NDUFAF2: variants seen among roughly 807,000 people sequenced by gnomAD.
NDUFAF2 encodes the protein NADH dehydrogenase [ubiquinone] 1 alpha subcomplex assembly factor 2.
In NDUFAF2, 13 loss-of-function variants were observed where a neutral mutation model predicts 22.8. The ratio of observed to expected loss-of-function variants is 0.57; its 90% CI spans 0.37 to 0.91. The LOEUF (loss-of-function observed/expected upper bound fraction) is 0.91. Among genes scored for constraint, NDUFAF2 ranks in the 40% least tolerant of loss-of-function variants. The pLI is 0.01. For synonymous variants in NDUFAF2, 53 were observed against 64.2 expected, an observed-to-expected ratio of 0.83 and a Z score of 0.84; for missense variants, 162 against 195.2, an observed-to-expected ratio of 0.83 and a Z score of 1.01.
At position 61,035,424 on chromosome 5, in the gene NDUFAF2, G is replaced by GTTTTTTTTTT. The variant is rs768889484; in HGVS notation, c.128-37682_128-37673dup. Among the ~76,000 whole-genome samples the GTTTTTTTTTT allele has an allele frequency of 1.8e-3, 74 of 40,524 alleles. 13 individuals carry two copies. Among genetic ancestry groups the GTTTTTTTTTT allele is most frequent in the African/African-American group, 6.3e-3 (63 of 9,990 alleles). 26.6% of individuals were successfully genotyped at this position (40,524 alleles called of 152,430 possible). A position where few individuals can be genotyped will look rare whatever the true frequency, so the allele number is the denominator to read the frequency against. ...GACAACTCTCTTTCTCTCTTGCTCT[G>GTTTTTTTTTT]TTTTTTTTTTTTTTTTTTTTTTTTT... On this transcript the variant is annotated intron_variant, in intron 1 of 3. Coordinates refer to ENST00000296597, the MANE Select transcript of NDUFAF2 (RefSeq NM_174889.5).
chr5:60,962,404 G>A (rs1750700622), intron 1 of NDUFAF2, among the ~76,000 whole-genome samples: 1 of 151,958 alleles, frequency 6.6e-6, no homozygotes, highest in South Asian at 2.1e-4. Context: ...ATTCTTATTG[G>A]TCTAACTACC....
At chr5:60,973,722 A>C (rs1487296644) in intron 1 of NDUFAF2, among the ~76,000 whole-genome samples, 1 of 152,222 alleles carries the variant, frequency 6.6e-6, no homozygotes, top group Non-Finnish European at 1.5e-5. Context: ...GTTAAATCAC[A>C]TGCATTCTTA....
At chr5:61,026,254 G>C (rs1361103051) in intron 1 of NDUFAF2, among the ~76,000 whole-genome samples, 2 of 151,884 alleles carry the variant, frequency 1.3e-5, no homozygotes, top group Non-Finnish European at 2.9e-5. Context: ...AGGGGAGGAG[G>C]GGGGAGAAAT....
intron 1 of NDUFAF2, among the ~76,000 whole-genome samples, chr5:60,961,495 T>C (rs1025730343): frequency 6.0e-5 from 9 of 149,622 alleles, no homozygotes; most frequent in African/African-American, 1.7e-4. Flanking sequence ...CTCCGGAGGC[T>C]GAGGCAGGAG....
At chr5:60,992,985 G>A (rs976526820) in intron 1 of NDUFAF2, among the ~76,000 whole-genome samples, 8 of 152,168 alleles carry the variant, frequency 5.3e-5, no homozygotes, top group African/African-American at 1.9e-4. Context: ...GGGACTGTTG[G>A]TCTCGTTCCA....
chr5:61,094,234 C>T lies in NDUFAF2; in HGVS notation c.218-4758C>T, dbSNP rs193188961. Reference sequence around the variant, plus strand: ...TCTGCCTGTCTTATTTCAGAAAGACCGTTTTCAAACTCTGAGATCCTTTCC... The same window carrying T: ...TCTGCCTGTCTTATTTCAGAAAGACTGTTTTCAAACTCTGAGATCCTTTCC... On this transcript the variant is annotated intron_variant, in intron 2 of 3. Coordinates refer to ENST00000296597, the MANE Select transcript of NDUFAF2 (RefSeq NM_174889.5). Among the ~76,000 whole-genome samples, 157 of 152,146 alleles carry T rather than the reference C, an allele frequency of 1.0e-3. 2 individuals are homozygous for T. Among genetic ancestry groups the T allele is most frequent in the Admixed American group, 9.7e-3 (148 of 15,284 alleles).
At chr5:61,001,942 A>C (rs990591297) in intron 1 of NDUFAF2, among the ~76,000 whole-genome samples, 1 of 152,144 alleles carries the variant, frequency 6.6e-6, no homozygotes, top group African/African-American at 2.4e-5. Context: ...TTTCCTTAGC[A>C]GCTGGACTAA....
intron 1 of NDUFAF2, among the ~76,000 whole-genome samples, chr5:61,042,319 C>G (rs1751893822): frequency 6.6e-6 from 1 of 151,690 alleles, no homozygotes. Flanking sequence ...AAGATATGTT[C>G]TATGTATTAA....
intron 3 of NDUFAF2, among the ~76,000 whole-genome samples, chr5:61,118,833 C>G (rs1579840240): frequency 1.3e-5 from 2 of 152,150 alleles, no homozygotes; most frequent in African/African-American, 4.8e-5. Context: ...AGTATGAAAA[C>G]ATTCATGAAA....
chr5:60,983,785 G>T (rs1373123065), intron 1 of NDUFAF2, among the ~76,000 whole-genome samples: 2 of 151,696 alleles, frequency 1.3e-5, no homozygotes, highest in African/African-American at 4.8e-5. Flanking sequence ...CCAGTACCAT[G>T]CTGTTTTGGT....
At chr5:61,068,679 T>G (rs904105031) in intron 1 of NDUFAF2, among the ~76,000 whole-genome samples, 10 of 152,152 alleles carry the variant, frequency 6.6e-5, no homozygotes, top group African/African-American at 2.4e-4. Flanking sequence ...AATCTATTAT[T>G]AGGATTAAGT....
intron 1 of NDUFAF2, among the ~76,000 whole-genome samples, chr5:61,053,776 G>A (rs143470513): frequency 9.4e-4 from 143 of 152,182 alleles, no homozygotes; most frequent in African/African-American, 3.3e-3. Context: ...AATATGGTTA[G>A]GTTTTTAAAA....
chr5:61,074,191 C>A (rs1402041602), intron 2 of NDUFAF2, among the ~76,000 whole-genome samples: 2 of 152,206 alleles, frequency 1.3e-5, no homozygotes, highest in East Asian at 1.9e-4. Context: ...GTGACTCACG[C>A]CTGTAATCCC....
chr5:61,082,821 G>T (rs1168170423), intron 2 of NDUFAF2, among the ~76,000 whole-genome samples: 1 of 152,118 alleles, frequency 6.6e-6, no homozygotes, highest in Non-Finnish European at 1.5e-5. Context: ...GAATAGTGCT[G>T]CAATAACCGT....
intron 2 of NDUFAF2, among the ~76,000 whole-genome samples, chr5:61,088,000 A>G (rs984520399): frequency 3.3e-5 from 5 of 152,130 alleles, no homozygotes; most frequent in Admixed American, 2.0e-4. Context: ...CTAAGCTGTA[A>G]TCAACCCAAG....
chr5:60,974,191 G>A (rs1364036489), intron 1 of NDUFAF2, among the ~76,000 whole-genome samples: 3 of 152,198 alleles, frequency 2.0e-5, no homozygotes, highest in Admixed American at 6.5e-5. Context: ...GCAGAAGAAA[G>A]TGGAATGAGC....
chr5:61,061,095 C>T (rs1752159667), intron 1 of NDUFAF2, among the ~76,000 whole-genome samples: 1 of 152,048 alleles, frequency 6.6e-6, no homozygotes, highest in Non-Finnish European at 1.5e-5. Context: ...CCTAGGAAGG[C>T]AGTATTTGTA....
chr5:61,024,935 T>C (rs114322035), intron 1 of NDUFAF2, among the ~76,000 whole-genome samples: 2,228 of 152,138 alleles, frequency 0.015, 58 homozygotes, highest in African/African-American at 0.051. Context: ...ATGTGTTTAA[T>C]TGTATTCTCC....
intron 1 of NDUFAF2, among the ~76,000 whole-genome samples, chr5:61,017,526 T>G (rs1485696738): frequency 6.6e-6 from 1 of 151,720 alleles, no homozygotes; most frequent in Non-Finnish European, 1.5e-5. Context: ...TTTTCAGTGG[T>G]GTGGTGGAGC....
Sources: gnomAD v4.1 joint callset for allele counts (sites outside exome capture counted in the v4.1 genomes callset) on GRCh38, gnomAD v4.1.1 for gene constraint, MANE v1.5 for transcripts, NCBI Gene and HGNC (gene_info 2026-07-23, HGNC 2026-07-21) for gene names.